Variants in MAPK10 observed in about 807,000 individuals in gnomAD.
MAPK10 encodes the protein JNK3 alpha protein kinase.
In MAPK10, 25 loss-of-function variants were observed where a neutral mutation model predicts 59.3. The observed-to-expected ratio is 0.42, with a 90% confidence interval of 0.31 to 0.59. MAPK10 has a LOEUF of 0.59. Ranked by LOEUF, MAPK10 falls within the 20% of genes least tolerant of loss-of-function variation. The probability of loss-of-function intolerance (pLI) is 0.15; values close to 1 mark genes in which losing one functional copy is unlikely to be tolerated. For synonymous variants in MAPK10, 190 were observed against 200.5 expected, an observed-to-expected ratio of 0.95 and a Z score of 0.44; for missense variants, 351 against 568.9, an observed-to-expected ratio of 0.62 and a Z score of 3.90.
intron 5 of MAPK10, 45 bp downstream of exon 5, chr4:86,107,178 C>A: frequency 6.6e-7 from 1 of 1,518,842 alleles, no homozygotes; most frequent in Non-Finnish European, 9.0e-7. Context: ...TTTTTCCAAT[C>A]TTACAAACTC....
chr4:86,432,829 T>G (rs1374601216), intron 1 of MAPK10, among the ~76,000 whole-genome samples: 2 of 152,142 alleles, frequency 1.3e-5, no homozygotes, highest in Non-Finnish European at 2.9e-5. Flanking sequence ...GGCAGATGGC[T>G]TGACTCACAG....
At chr4:86,085,113 C>T (rs1292322368) in intron 9 of MAPK10, among the ~76,000 whole-genome samples, 1 of 152,156 alleles carries the variant, frequency 6.6e-6, no homozygotes, top group Non-Finnish European at 1.5e-5. Flanking sequence ...GAATTAAAGA[C>T]ATAAATATAA....
intron 2 of MAPK10, chr4:86,321,815 G>C (rs1394651462): frequency 1.3e-5 from 2 of 151,582 alleles, no homozygotes. Context: ...CCCCAAGACA[G>C]ATATGTACTG....
At chr4:86,353,457 A>C (rs1473004037) in intron 2 of MAPK10, among the ~76,000 whole-genome samples, 1 of 152,164 alleles carries the variant, frequency 6.6e-6, no homozygotes, top group African/African-American at 2.4e-5. Context: ...AACCATATAA[A>C]ATTGCCCTTA....
rs1336372367 is a variant in MAPK10, at chr4:86,064,326, C to T, written c.1050G>A (p.Val350=). The T allele has an allele frequency of 6.2e-7, 1 of 1,614,134 alleles. No individual in the cohort carries two copies. Among genetic ancestry groups the T allele is most frequent in the South Asian group, 1.1e-5 (1 of 91,084 alleles). The change falls in exon 11 of 14, where the codon GTG becomes GTA. Residue 350 remains valine (V), a synonymous_variant. Transcript: ENST00000641462. ...TGTAGGGATGCTGTAAGGCGTCGTC[C>T]ACTGATATTCTTTTTGCTGGGTCAA... ...LVIDPAKRIS[V]DDALQHPYIN...
At chr4:86,227,683 A>AC (rs892001988) in intron 2 of MAPK10, among the ~76,000 whole-genome samples, 11 of 152,102 alleles carry the variant, frequency 7.2e-5, no homozygotes, top group Non-Finnish European at 1.2e-4. Context: ...AGGGACCAAA[A>AC]AAATATGTAG....
intron 2 of MAPK10, chr4:86,219,795 C>T (rs1282314099): frequency 6.6e-6 from 1 of 152,038 alleles, no homozygotes; most frequent in Admixed American, 6.6e-5. Context: ...AATATTCTTA[C>T]ATTCAAGTTG....
intron 3 of MAPK10, among the ~76,000 whole-genome samples, chr4:86,172,737 G>A (rs138571284): frequency 0.028 from 4,126 of 149,764 alleles, 88 homozygotes; most frequent in South Asian, 0.041. Flanking sequence ...TAATAAAATT[G>A]TAAAGAAACA....
At chr4:86,460,756 C>G (rs1206049142) in intron 1 of MAPK10, among the ~76,000 whole-genome samples, 1 of 152,236 alleles carries the variant, frequency 6.6e-6, no homozygotes, top group Non-Finnish European at 1.5e-5. Context: ...GGACATGTTC[C>G]TGCTGCAGTT....
intron 2 of MAPK10, among the ~76,000 whole-genome samples, chr4:86,220,986 A>G (rs2089393406): frequency 6.6e-6 from 1 of 151,430 alleles, no homozygotes; most frequent in Admixed American, 6.6e-5. Flanking sequence ...TTCCTCTCCA[A>G]TGAACATCTT....
chr4:86,450,600 C>T (rs772253834), intron 1 of MAPK10, among the ~76,000 whole-genome samples: 6 of 152,110 alleles, frequency 3.9e-5, no homozygotes, highest in Non-Finnish European at 5.9e-5. Context: ...AATTTTAGTG[C>T]TTTTCTTTTT....
intron 11 of MAPK10, among the ~76,000 whole-genome samples, chr4:86,035,221 A>C (rs931462126): frequency 1.6e-4 from 25 of 151,764 alleles, no homozygotes; most frequent in African/African-American, 5.6e-4. Context: ...AAATACAAAA[A>C]TTAGCCGGGC....
chr4:86,298,003 C>T (rs2095401266), intron 2 of MAPK10, among the ~76,000 whole-genome samples: 1 of 152,158 alleles, frequency 6.6e-6, no homozygotes, highest in African/African-American at 2.4e-5. Context: ...CTGTGTGTTT[C>T]CATTTGCATT....
At chr4:86,244,250 G>T (rs371068241) in intron 2 of MAPK10, among the ~76,000 whole-genome samples, 3 of 151,900 alleles carry the variant, frequency 2.0e-5, no homozygotes, top group African/African-American at 7.3e-5. Context: ...AGGCACTTAC[G>T]AAAACACTCA....
intron 2 of MAPK10, among the ~76,000 whole-genome samples, chr4:86,245,558 T>C (rs754886136): frequency 5.3e-5 from 8 of 152,192 alleles, no homozygotes; most frequent in Non-Finnish European, 1.0e-4. Flanking sequence ...GGTCTCAAAC[T>C]CCTGGGCTCA....
chr4:86,153,441 T>C (rs1355373087), intron 4 of MAPK10, among the ~76,000 whole-genome samples: 1 of 152,194 alleles, frequency 6.6e-6, no homozygotes, highest in East Asian at 1.9e-4. Flanking sequence ...GAATTCAGAA[T>C]AAATGTCCAC....
At chr4:86,249,569 T>A (rs1243465622) in intron 2 of MAPK10, among the ~76,000 whole-genome samples, 1 of 152,108 alleles carries the variant, frequency 6.6e-6, no homozygotes, top group African/African-American at 2.4e-5. Context: ...GCCTCTATAA[T>A]GTAAGAAGGC....
chr4:86,534,072 T>G (rs1292279834), intron 1 of MAPK10, among the ~76,000 whole-genome samples: 1 of 152,178 alleles, frequency 6.6e-6, no homozygotes. Flanking sequence ...CTCTCAAGGC[T>G]CTTCATTAAT....
At chr4:86,195,618 A>G (rs1220224529) in intron 2 of MAPK10, among the ~76,000 whole-genome samples, 2 of 152,188 alleles carry the variant, frequency 1.3e-5, no homozygotes, top group Non-Finnish European at 2.9e-5. Flanking sequence ...CATGTGCAGA[A>G]CATGCAGGTT....
Sources: allele counts gnomAD v4.1 joint callset (sites outside exome capture counted in the v4.1 genomes callset), GRCh38; gene constraint gnomAD v4.1.1; transcripts MANE v1.5; gene names NCBI Gene and HGNC (gene_info 2026-07-23, HGNC 2026-07-21).